KLF7: variants seen among roughly 807,000 people sequenced by gnomAD.
The protein encoded by KLF7 is Krueppel-like factor 7.
In KLF7, 2 loss-of-function variants were observed where a neutral mutation model predicts 27.3. The observed-to-expected ratio is 0.07, with a 90% CI of 0.03 to 0.23. The LOEUF (loss-of-function observed/expected upper bound fraction) is 0.23. KLF7 is among the 10% of genes least tolerant of loss of function. The pLI is 1.00. For synonymous variants in KLF7, 165 were observed against 162.4 expected (o/e 1.02, Z -0.12); for missense variants, 221 against 394.1 (o/e 0.56, Z 3.72).
intron 2 of KLF7, among the ~76,000 whole-genome samples, chr2:207,096,026 C>A (rs1315625663): frequency 6.6e-6 from 1 of 152,062 alleles, no homozygotes; most frequent in African/African-American, 2.4e-5. Context: ...CGTAGAAACC[C>A]CATCGACTCA....
intron 2 of KLF7, among the ~76,000 whole-genome samples, chr2:207,097,599 T>C (rs1476646024): frequency 2.0e-5 from 3 of 152,200 alleles, no homozygotes; most frequent in African/African-American, 7.2e-5. Flanking sequence ...TCATGTGCCA[T>C]TTTTAACAAC....
intron 2 of KLF7, among the ~76,000 whole-genome samples, chr2:207,105,603 T>G (rs2076863555): frequency 6.6e-6 from 1 of 152,212 alleles, no homozygotes; most frequent in Non-Finnish European, 1.5e-5. Context: ...TCCATCCTAT[T>G]TGCTGTGCCA....
chr2:207,165,507 T>C lies in KLF7; in HGVS notation c.62A>G (p.Tyr21Cys), dbSNP rs778107793. 6.8e-6 allele frequency: 11 copies of C among 1,614,160 alleles called. No homozygotes were observed. The highest frequency in any genetic ancestry group is 5.9e-6 in the Non-Finnish European group (7 of 1,180,028). ...QELQLVHDTG[Y>C]FSALPSLEET... Reference sequence around the variant, plus strand: ...CTCCAGGGATGGTAAAGCTGAGAAGTAGCCGGTGTCGTGGACAAGTTGTAG... The same window carrying C: ...CTCCAGGGATGGTAAAGCTGAGAAGCAGCCGGTGTCGTGGACAAGTTGTAG... The change falls in exon 1 of 4, where the codon TAC (tyrosine) becomes TGC (cysteine). Residue 21 changes from tyrosine (Y) to cysteine (C), a missense_variant. This residue lies in a region of KLF7 where 11 missense variants were observed against 50.8 expected (regional missense o/e 0.22). Transcript: ENST00000309446.
At chr2:207,133,407 A>T (rs923520809) in intron 1 of KLF7, among the ~76,000 whole-genome samples, 9 of 152,182 alleles carry the variant, frequency 5.9e-5, no homozygotes, top group Non-Finnish European at 1.0e-4. Context: ...CTCCAATGGG[A>T]AAAACCCATC....
At chr2:207,133,939 G>A in intron 1 of KLF7, 1 of 573,548 alleles carries the variant, frequency 1.7e-6, no homozygotes, top group East Asian at 3.2e-5. Flanking sequence ...CAGTAACAGG[G>A]AAAGGTCTGA....
rs2076171638 is a variant in KLF7, at chr2:207,076,079, G to A, written c.*5134C>T. ...CCCCAAAAGATATTAGGCACTGGTG[G>A]CTACTCCTCCGAAACGTCAGTAGCC... On this transcript the variant is annotated 3_prime_UTR_variant, in exon 4 of 4. Coordinates refer to ENST00000309446, the MANE Select transcript of KLF7 (RefSeq NM_003709.4). 1 of 152,086 alleles carries A rather than the reference G, an allele frequency of 6.6e-6. No individual in the cohort carries two copies. The highest frequency in any genetic ancestry group is 2.1e-4 in the South Asian group (1 of 4,800). 9.4% of individuals were successfully genotyped at this position (152,086 alleles called of 1,614,324 possible). A position where few individuals can be genotyped will look rare whatever the true frequency, so the allele number is the denominator to read the frequency against.
intron 1 of KLF7, among the ~76,000 whole-genome samples, chr2:207,163,619 A>G (rs1474643058): frequency 6.6e-6 from 1 of 152,220 alleles, no homozygotes; most frequent in Non-Finnish European, 1.5e-5. Flanking sequence ...TTGAACCAAA[A>G]CAAAGTTGCA....
chr2:207,124,529 C>CTTAG, intron 1 of KLF7, 125 bp from the exon 2 acceptor site: 1 of 925,444 alleles, frequency 1.1e-6, no homozygotes, highest in Non-Finnish European at 1.6e-6. Context: ...TCAGAAATGC[C>CTTAG]TTAGTAGAAG....
rs894575969 is a variant in KLF7 at position 207,081,161 on chromosome 2, C to T, written c.*52G>A. 17 of 1,546,160 alleles carry T rather than the reference C, an allele frequency of 1.1e-5. No homozygotes were observed. The highest frequency in any genetic ancestry group is 1.7e-5 in the Admixed American group (1 of 59,852). On this transcript the variant is annotated 3_prime_UTR_variant, in exon 4 of 4. Transcript: ENST00000309446. ...TGAAGTCCAGCCCCCTGCCTCATGG[C>T]GTTTCCTTTAGACACTAGCCGATGC...
chr2:207,158,048 G>A (rs183150499), intron 1 of KLF7, among the ~76,000 whole-genome samples: 4 of 152,140 alleles, frequency 2.6e-5, no homozygotes, highest in Non-Finnish European at 4.4e-5. Context: ...GAAACCCAGG[G>A]AAATATCTGG....
intron 1 of KLF7, among the ~76,000 whole-genome samples, chr2:207,162,924 G>T (rs1317334872): frequency 6.6e-6 from 1 of 152,162 alleles, no homozygotes. Flanking sequence ...AGAGCATAAA[G>T]AAACTTCTTC....
At chr2:207,135,323 A>C (rs1057315706) in intron 1 of KLF7, among the ~76,000 whole-genome samples, 5 of 152,224 alleles carry the variant, frequency 3.3e-5, no homozygotes, top group Admixed American at 2.0e-4. Flanking sequence ...GGTTAAAAAA[A>C]AAAAGGGTTT....
chr2:207,128,636 C>T (rs144597935), intron 1 of KLF7, among the ~76,000 whole-genome samples: 5 of 152,256 alleles, frequency 3.3e-5, no homozygotes, highest in African/African-American at 7.2e-5. Context: ...ATTAGCAGCA[C>T]AAGGAACAAG....
At chr2:207,113,054 T>C (rs1176887839) in intron 2 of KLF7, among the ~76,000 whole-genome samples, 1 of 152,248 alleles carries the variant, frequency 6.6e-6, no homozygotes, top group Non-Finnish European at 1.5e-5. Flanking sequence ...ATAATGCGTT[T>C]AGTCCATTCT....
At chr2:207,112,791 T>C (rs2077071766) in intron 2 of KLF7, among the ~76,000 whole-genome samples, 1 of 152,246 alleles carries the variant, frequency 6.6e-6, no homozygotes, top group Non-Finnish European at 1.5e-5. Flanking sequence ...GACAACAATA[T>C]ATAAAGTAAT....
chr2:207,092,964 T>C (rs1396631420), intron 2 of KLF7, among the ~76,000 whole-genome samples: 1 of 152,162 alleles, frequency 6.6e-6, no homozygotes, highest in African/African-American at 2.4e-5. Flanking sequence ...GTAGGATAAA[T>C]AAAAATAGCT....
At chr2:207,167,849 C>G (rs1266239692), upstream of KLF7, among the ~76,000 whole-genome samples, 1 of 152,184 alleles carries the variant, frequency 6.6e-6, no homozygotes, top group African/African-American at 2.4e-5. Context: ...GGTAACTCAC[C>G]TAGCATAGTA....
intron 2 of KLF7, among the ~76,000 whole-genome samples, chr2:207,094,171 T>C (rs926035766): frequency 1.3e-5 from 2 of 152,240 alleles, no homozygotes; most frequent in African/African-American, 4.8e-5. Context: ...GCATAAAATA[T>C]GAACACGTGG....
At chr2:207,094,047 C>T (rs570520347) in intron 2 of KLF7, among the ~76,000 whole-genome samples, 2 of 152,184 alleles carry the variant, frequency 1.3e-5, no homozygotes, top group Non-Finnish European at 1.5e-5. Flanking sequence ...AAGCAAAGTG[C>T]GTCATTTTAT....
Sources: gnomAD v4.1 joint callset for allele counts (sites outside exome capture counted in the v4.1 genomes callset) on GRCh38, gnomAD v4.1.1 for gene constraint, gnomAD v4.1.1 regional missense constraint, MANE v1.5 for transcripts, NCBI Gene and HGNC (gene_info 2026-07-23, HGNC 2026-07-21) for gene names.